The following SPAG9 variants were observed in gnomAD, a reference collection of about 807,000 sequenced individuals.
SPAG9 encodes the protein C-Jun-amino-terminal kinase-interacting protein 4.
SPAG9 carries 35 observed loss-of-function variants against 166.5 expected under a neutral mutation model. The ratio of observed to expected loss-of-function variants is 0.21; its 90% CI spans 0.16 to 0.28. The LOEUF is 0.28. SPAG9 is among the 10% of genes least tolerant of loss of function. The pLI is 1.00. For synonymous variants in SPAG9, 534 were observed against 565.5 expected (o/e 0.94, Z 0.79); for missense variants, 1,235 against 1,603.3 (o/e 0.77, Z 3.92).
chr17:51,110,508 T>C (rs1049594045), intron 1 of SPAG9, among the ~76,000 whole-genome samples: 1 of 150,068 alleles, frequency 6.7e-6, no homozygotes, highest in African/African-American at 2.4e-5. Flanking sequence ...CTGGGCAACA[T>C]GGTGAAACCC....
At chr17:51,013,073 A>G (rs1567997606) in intron 9 of SPAG9, among the ~76,000 whole-genome samples, 2 of 152,214 alleles carry the variant, frequency 1.3e-5, no homozygotes, top group Non-Finnish European at 2.9e-5. Flanking sequence ...CTTCAAAAAC[A>G]CTTTACAATG....
chr17:51,039,043 C>G (rs1218252741), intron 5 of SPAG9, among the ~76,000 whole-genome samples: 1 of 152,154 alleles, frequency 6.6e-6, no homozygotes, highest in African/African-American at 2.4e-5. Flanking sequence ...CAATCACTGG[C>G]AAATCCCCTT....
At chr17:51,045,226 G>A (rs994190222) in intron 4 of SPAG9, among the ~76,000 whole-genome samples, 7 of 152,034 alleles carry the variant, frequency 4.6e-5, no homozygotes, top group South Asian at 2.1e-4. Context: ...AGCAGCTCAC[G>A]GCACTGCCCT....
Position 50,977,047 on chromosome 17 carries a change from C to T in SPAG9, c.3523+61G>A. On this transcript the variant is annotated intron_variant, in intron 27 of 29. Transcript: ENST00000262013. The stretch of plus-strand genomic sequence containing the variant: ...AGCTAACACAGATTTGAATTTCAGA[C>T]ATAACTATTTCCTATAATTCTCCTA... 5 of 1,047,042 alleles carry T rather than the reference C, an allele frequency of 4.8e-6. No individual in the cohort carries two copies. In the East Asian group the frequency reaches 9.5e-5, roughly 20 times the overall value. 64.9% of individuals were successfully genotyped at this position (1,047,042 alleles called of 1,614,324 possible). A position where few individuals can be genotyped will look rare whatever the true frequency, so the allele number is the denominator to read the frequency against.
rs71149344 is a variant in SPAG9 at position 51,106,102 on chromosome 17, T to TACACACACACACAC, written c.303+14238_303+14251dup. 4.7e-3 allele frequency among the ~76,000 whole-genome samples: 520 copies of TACACACACACACAC among 110,646 alleles called. 2 individuals carry two copies. The highest frequency in any genetic ancestry group is 6.0e-3 in the South Asian group (16 of 2,658). The allele number at this position is 110,646 out of a possible 152,430, so 72.6% of individuals were successfully genotyped here. A position where few individuals can be genotyped will look rare whatever the true frequency, so the allele number is the denominator to read the frequency against. On this transcript the variant is annotated intron_variant, in intron 1 of 29. Transcript: ENST00000262013. ...GGCAACACAGCAAGACCCCCATCTC[T>TACACACACACACAC]ACACACACACACACACACACACACA...
rs529281436 is a variant in SPAG9, at chr17:51,093,920, A to C, written c.304-14216T>G. 1.1e-4 allele frequency among the ~76,000 whole-genome samples: 17 copies of C among 152,220 alleles called. No individual in the cohort carries two copies. The South Asian group carries it at 3.5e-3, about 32-fold the overall frequency. On this transcript the variant is annotated intron_variant, in intron 1 of 29. Transcript: ENST00000262013. ...CAGGAAATAAGAGGTTTGTTTTCTC[A>C]ATAAACTCAACCAGAAATTTTAGAC...
intron 12 of SPAG9, among the ~76,000 whole-genome samples, chr17:51,002,819 G>A (rs1367288982): frequency 6.6e-6 from 1 of 151,900 alleles, no homozygotes; most frequent in Non-Finnish European, 1.5e-5. Flanking sequence ...GGCCAGGCAC[G>A]ATGGTCCACG....
chr17:51,094,594 C>T (rs1248181260), intron 1 of SPAG9, among the ~76,000 whole-genome samples: 1 of 152,126 alleles, frequency 6.6e-6, no homozygotes, highest in Non-Finnish European at 1.5e-5. Flanking sequence ...GTTTCCTTTA[C>T]AAGAAAATTT....
At chr17:50,999,402 G>C in intron 14 of SPAG9, 1 of 1,183,262 alleles carries the variant, frequency 8.5e-7, no homozygotes, top group South Asian at 1.6e-5. Flanking sequence ...ATTTGGCAGA[G>C]GATTGCAACA....
intron 2 of SPAG9, among the ~76,000 whole-genome samples, chr17:51,062,795 G>A (rs1422031808): frequency 6.6e-6 from 1 of 152,066 alleles, no homozygotes; most frequent in African/African-American, 2.4e-5. Context: ...TCGCCATGTT[G>A]GCCAGGCTGG....
intron 5 of SPAG9, among the ~76,000 whole-genome samples, chr17:51,033,724 C>T (rs563710539): frequency 2.0e-5 from 3 of 152,300 alleles, no homozygotes; most frequent in African/African-American, 7.2e-5. Flanking sequence ...CTCTGAGCAC[C>T]TTAACAACAT....
chr17:50,999,575 G>T, intron 14 of SPAG9, 86 bp downstream of exon 14: 1 of 1,451,476 alleles, frequency 6.9e-7, no homozygotes. Flanking sequence ...AAAGAAAATG[G>T]ACATAAAATC....
intron 5 of SPAG9, among the ~76,000 whole-genome samples, chr17:51,034,273 G>T (rs2046497102): frequency 6.6e-6 from 1 of 152,100 alleles, no homozygotes; most frequent in Non-Finnish European, 1.5e-5. Context: ...TATAAAGGAG[G>T]TATAAACTAA....
intron 9 of SPAG9, among the ~76,000 whole-genome samples, chr17:51,008,660 C>T (rs536589442): frequency 6.6e-6 from 1 of 152,134 alleles, no homozygotes; most frequent in South Asian, 2.1e-4. Flanking sequence ...TGTCTATATT[C>T]TAATTTTCTC....
intron 2 of SPAG9, among the ~76,000 whole-genome samples, chr17:51,077,387 G>A (rs1333472817): frequency 6.6e-6 from 1 of 151,952 alleles, no homozygotes; most frequent in African/African-American, 2.4e-5. Flanking sequence ...CTCCCAAAGT[G>A]CTGGGATTAC....
At chr17:51,055,418 T>G (rs753722273) in intron 3 of SPAG9, among the ~76,000 whole-genome samples, 1 of 152,154 alleles carries the variant, frequency 6.6e-6, no homozygotes, top group Non-Finnish European at 1.5e-5. Flanking sequence ...AATACAATCT[T>G]TGTAGCATTA....
At position 50,989,688 on chromosome 17, in the gene SPAG9, C is replaced by G; in HGVS notation, c.2802G>C (p.Val934=). Residue 934 remains valine, a synonymous_variant, in exon 21 of 30, where the codon GTG becomes GTC. Transcript: ENST00000262013. ...ACCCATTATTATACCTCGACTGATACACTGGGGAGAGGTCTTCTGGGATCT... is the reference window on the plus strand; with the variant it reads ...ACCCATTATTATACCTCGACTGATAGACTGGGGAGAGGTCTTCTGGGATCT... ...GVQIPEDLSP[V]YQSSNDSDAY... 1 of 1,614,018 alleles carries G rather than the reference C, an allele frequency of 6.2e-7. No individual in the cohort carries two copies. Among genetic ancestry groups the G allele is most frequent in the Non-Finnish European group, 8.5e-7 (1 of 1,179,912 alleles).
chr17:51,095,599 C>T (rs2048589837), intron 1 of SPAG9, among the ~76,000 whole-genome samples: 2 of 148,584 alleles, frequency 1.3e-5, no homozygotes, highest in East Asian at 2.0e-4. Flanking sequence ...TGCAGTGAGC[C>T]GAGATCATGC....
At chr17:51,001,005 G>A (rs1411836648) in intron 13 of SPAG9, among the ~76,000 whole-genome samples, 1 of 152,090 alleles carries the variant, frequency 6.6e-6, no homozygotes, top group Non-Finnish European at 1.5e-5. Context: ...ATATAACATT[G>A]GTAAAGGGTA....
Sources: gnomAD v4.1 joint callset for allele counts (sites outside exome capture counted in the v4.1 genomes callset) on GRCh38, gnomAD v4.1.1 for gene constraint, MANE v1.5 for transcripts, NCBI Gene and HGNC (gene_info 2026-07-23, HGNC 2026-07-21) for gene names.